The following NINL variants were observed in gnomAD, a reference collection of about 807,000 sequenced individuals.
NINL encodes ninein-like protein.
In NINL, 153 loss-of-function variants were observed where a neutral mutation model predicts 160.3. The observed-to-expected ratio is 0.95, with a 90% CI of 0.84 to 1.09. The LOEUF is 1.09. Ranked by LOEUF, NINL falls within the 50% of genes least tolerant of loss-of-function variation. The pLI is 0.00. For missense variants in NINL, 1,829 were observed against 1,764.0 expected, an observed-to-expected ratio of 1.04 and a Z score of -0.66; for synonymous variants, 800 against 734.8, an observed-to-expected ratio of 1.09 and a Z score of -1.43.
intron 1 of NINL, among the ~76,000 whole-genome samples, chr20:25,536,322 G>A (rs1216834991): frequency 6.6e-6 from 1 of 152,218 alleles, no homozygotes; most frequent in Admixed American, 6.5e-5. Context: ...CCAACAGACT[G>A]CTGTGTACTG....
At chr20:25,553,104 G>GTTTTTTT (rs3036846) in intron 1 of NINL, among the ~76,000 whole-genome samples, 12,308 of 99,196 alleles carry the variant, frequency 0.12, 837 homozygotes, top group African/African-American at 0.14. Context: ...CCCTTGTTGG[G>GTTTTTTT]TTTTTTTTTT....
At chr20:25,512,593 A>C (rs1024327341) in intron 4 of NINL, among the ~76,000 whole-genome samples, 2 of 152,164 alleles carry the variant, frequency 1.3e-5, no homozygotes, top group African/African-American at 4.8e-5. Context: ...CAGTCTGAGG[A>C]AATTCTCTAT....
intron 1 of NINL, chr20:25,539,935 C>G (rs1001440766): frequency 1.3e-6 from 1 of 799,226 alleles, no homozygotes; most frequent in Non-Finnish European, 1.8e-6. Flanking sequence ...CACACCCCTG[C>G]GGGTTCCCGG....
chr20:25,462,833 G>A, intron 19 of NINL: 1 of 283,644 alleles, frequency 3.5e-6, no homozygotes, highest in Non-Finnish European at 6.7e-6. Flanking sequence ...TTTGTTTTTT[G>A]GTCGAGACAG....
intron 2 of NINL, among the ~76,000 whole-genome samples, chr20:25,519,316 C>T (rs1252757227): frequency 1.3e-5 from 2 of 152,052 alleles, no homozygotes; most frequent in Non-Finnish European, 2.9e-5. Context: ...GTTTTAAACC[C>T]TCACAAAATA....
At chr20:25,460,593 G>C (rs543941113) in intron 21 of NINL, among the ~76,000 whole-genome samples, 7 of 152,278 alleles carry the variant, frequency 4.6e-5, no homozygotes, top group Non-Finnish European at 8.8e-5. Flanking sequence ...AAGTAGAGAA[G>C]GGTGCCTCAA....
At chr20:25,513,889 T>C (rs1002380450) in intron 3 of NINL, among the ~76,000 whole-genome samples, 6 of 152,214 alleles carry the variant, frequency 3.9e-5, no homozygotes, top group Non-Finnish European at 7.3e-5. Context: ...GTGAGTCAAT[T>C]AAAACTCTTC....
At chr20:25,540,327 G>T (rs1266674072) in intron 1 of NINL, among the ~76,000 whole-genome samples, 1 of 152,174 alleles carries the variant, frequency 6.6e-6, no homozygotes, top group Non-Finnish European at 1.5e-5. Context: ...CATCCAGAGG[G>T]GAAAAGCCTG....
intron 17 of NINL, among the ~76,000 whole-genome samples, chr20:25,474,955 G>T (rs1396811009): frequency 6.6e-6 from 1 of 151,584 alleles, no homozygotes; most frequent in Non-Finnish European, 1.5e-5. Flanking sequence ...ACTAATTTTT[G>T]TATTTTTAGT....
intron 1 of NINL, among the ~76,000 whole-genome samples, chr20:25,555,898 C>T (rs1455541991): frequency 1.3e-5 from 2 of 152,102 alleles, no homozygotes; most frequent in Non-Finnish European, 1.5e-5. Flanking sequence ...TGGTCTCGAA[C>T]TCCTGACCTC....
intron 3 of NINL, among the ~76,000 whole-genome samples, chr20:25,516,510 C>A (rs951698291): frequency 1.3e-5 from 2 of 152,152 alleles, no homozygotes; most frequent in Non-Finnish European, 2.9e-5. Context: ...GATGCGCCCA[C>A]CATGCACCAA....
rs201571078 is a variant in NINL at position 25,469,990 on chromosome 20, C to G, written c.3353+1G>C. On this transcript the variant is annotated splice_donor_variant, in intron 18 of 23. Transcript: ENST00000278886. LOFTEE classifies it high-confidence loss of function. ...GGTCTGGGTAGGGGCGTGGCCCTTA[C>G]CTCTGTGCATCGTGAGTACTTTCTG... The G allele has an allele frequency of 5.0e-6, 8 of 1,613,188 alleles. No homozygotes were observed. The East Asian group carries it at 1.8e-4, about 36-fold the overall frequency.
chr20:25,564,772 C>T (rs1250175466), intron 1 of NINL, among the ~76,000 whole-genome samples: 2 of 149,620 alleles, frequency 1.3e-5, no homozygotes, highest in Non-Finnish European at 3.0e-5. Context: ...ATGTAAAGAG[C>T]CTGAAAGGTG....
chr20:25,560,985 T>TCCCTCTC (rs2147130733), intron 1 of NINL, among the ~76,000 whole-genome samples: 1 of 118,638 alleles, frequency 8.4e-6, no homozygotes, highest in Non-Finnish European at 1.9e-5. Context: ...CCTCTCTCTC[T>TCCCTCTC]CCCTCCTCTC....
intron 1 of NINL, among the ~76,000 whole-genome samples, chr20:25,554,219 G>A (rs367786415): frequency 4.4e-4 from 67 of 152,082 alleles, no homozygotes; most frequent in Admixed American, 3.4e-3. Flanking sequence ...TGCACTCTGC[G>A]GAGCATGGGG....
Position 25,462,466 on chromosome 20 carries a change from G to T in NINL, c.3499C>A (p.Gln1167Lys). 9 of 1,614,166 alleles carry T rather than the reference G, an allele frequency of 5.6e-6. No homozygotes were observed. The highest frequency in any genetic ancestry group is 7.6e-6 in the Non-Finnish European group (9 of 1,180,026). Residue 1167 changes from glutamine to lysine, a missense_variant, in exon 20 of 24, where the codon CAG (glutamine) becomes AAG (lysine). By Grantham distance (53) the Gln-to-Lys change is moderately conservative. Coordinates refer to ENST00000278886, the MANE Select transcript of NINL (RefSeq NM_025176.6). Reference sequence around the variant, plus strand: ...ACACGATGCTCCTCGTTTTGGGCCTGGTGGGTAGAAGCCTCCTGTCCCAGT... The same window carrying T: ...ACACGATGCTCCTCGTTTTGGGCCTTGTGGGTAGAAGCCTCCTGTCCCAGT... ...LQLGQEASTH[Q>K]AQNEEHRVTI...
At chr20:25,540,485 A>C (rs190606270) in intron 1 of NINL, among the ~76,000 whole-genome samples, 3 of 152,232 alleles carry the variant, frequency 2.0e-5, no homozygotes, top group Non-Finnish European at 2.9e-5. Flanking sequence ...AATTTAAGCT[A>C]TGCCCCCCAG....
intron 21 of NINL, 109 bp from the exon 22 acceptor site, chr20:25,458,638 G>T: frequency 8.6e-7 from 1 of 1,164,102 alleles, no homozygotes; most frequent in Non-Finnish European, 1.2e-6. Context: ...GAAAGCGTGT[G>T]CTCCCGAGTA....
At chr20:25,497,594 A>G (rs539124262) in intron 9 of NINL, among the ~76,000 whole-genome samples, 1 of 152,388 alleles carries the variant, frequency 6.6e-6, no homozygotes, top group East Asian at 1.9e-4. Context: ...AAATCTGCTT[A>G]GCAGACGGAT....
Sources: gnomAD v4.1 joint callset for allele counts (sites outside exome capture counted in the v4.1 genomes callset) on GRCh38, gnomAD v4.1.1 for gene constraint, MANE v1.5 for transcripts, NCBI Gene and HGNC (gene_info 2026-07-23, HGNC 2026-07-21) for gene names.